The following TMEM132D variants were observed in gnomAD, a reference collection of about 807,000 sequenced individuals.
TMEM132D encodes mature OL transmembrane protein.
A neutral mutation model predicts 62.3 loss-of-function variants in TMEM132D; 21 were observed. The ratio of observed to expected loss-of-function variants is 0.34; its 90% CI spans 0.24 to 0.49. TMEM132D has a LOEUF of 0.49. Among genes scored for constraint, TMEM132D ranks in the 20% least tolerant of loss-of-function variants. TMEM132D has a pLI of 0.99. For synonymous variants in TMEM132D, 621 were observed against 575.6 expected (o/e 1.08, Z -1.13); for missense variants, 1,346 against 1,402.8 (o/e 0.96, Z 0.65).
At chr12:129,422,715 A>G (rs1256832596) in intron 3 of TMEM132D, among the ~76,000 whole-genome samples, 1 of 152,200 alleles carries the variant, frequency 6.6e-6, no homozygotes, top group Non-Finnish European at 1.5e-5. Flanking sequence ...ATCACCAGTA[A>G]GTAAGGATAA....
chr12:129,367,598 G>A (rs1313143151), intron 3 of TMEM132D, among the ~76,000 whole-genome samples: 2 of 152,090 alleles, frequency 1.3e-5, no homozygotes, highest in Non-Finnish European at 2.9e-5. Flanking sequence ...TCAAATGGAT[G>A]GAGTTGCTTG....
At chr12:129,609,951 C>T (rs951394169) in intron 2 of TMEM132D, among the ~76,000 whole-genome samples, 14 of 152,298 alleles carry the variant, frequency 9.2e-5, no homozygotes, top group African/African-American at 2.9e-4. Context: ...GACATCCTCT[C>T]TCCTTTAGGA....
intron 2 of TMEM132D, among the ~76,000 whole-genome samples, chr12:129,549,709 G>A (rs187766900): frequency 1.3e-5 from 2 of 152,324 alleles, no homozygotes; most frequent in Admixed American, 1.3e-4. Flanking sequence ...TTTGGGCATA[G>A]TCACGTGTTT....
Position 129,903,831 on chromosome 12 carries a change from G to C in TMEM132D, c.-492C>G, listed in dbSNP as rs1875459223. ...TCGGAGCCCCCCGGGCGGGTGGCCG[G>C]GCTCGCTGGGCGGCCCGGGGCTCCC... On this transcript the variant is annotated 5_prime_UTR_variant, in exon 1 of 9. Coordinates refer to ENST00000422113, the MANE Select transcript of TMEM132D (RefSeq NM_133448.3). This position sits in a 1 kb window ranked among gnomAD's most constrained non-coding sequence, Gnocchi z 6.2. 6.8e-6 allele frequency among the ~76,000 whole-genome samples: 1 copy of C among 146,870 alleles called. No homozygotes were observed.
intron 1 of TMEM132D, among the ~76,000 whole-genome samples, chr12:129,731,667 A>AT (rs34137135): frequency 0.45 from 66,873 of 148,844 alleles, 14,961 homozygotes; most frequent in East Asian, 0.61. Flanking sequence ...GCCACTGGAA[A>AT]TTTTTTTTTT....
At chr12:129,381,330 G>C (rs114921080) in intron 3 of TMEM132D, among the ~76,000 whole-genome samples, 123 of 152,220 alleles carry the variant, frequency 8.1e-4, no homozygotes, top group African/African-American at 2.9e-3. Context: ...AGAAAAAGAG[G>C]GAGATTAGGC....
intron 5 of TMEM132D, among the ~76,000 whole-genome samples, chr12:129,154,148 T>C (rs1381028213): frequency 2.0e-5 from 3 of 152,172 alleles, no homozygotes; most frequent in Non-Finnish European, 4.4e-5. Flanking sequence ...CATTTGGAGA[T>C]GCTCTGAAGA....
intron 4 of TMEM132D, among the ~76,000 whole-genome samples, chr12:129,232,679 G>T (rs189990185): frequency 6.6e-6 from 1 of 152,254 alleles, no homozygotes; most frequent in Admixed American, 6.5e-5. Flanking sequence ...CTGCTATAAA[G>T]ATACTACCCG....
intron 3 of TMEM132D, among the ~76,000 whole-genome samples, chr12:129,458,761 C>A (rs1873561913): frequency 6.6e-6 from 1 of 152,112 alleles, no homozygotes; most frequent in South Asian, 2.1e-4. Flanking sequence ...TCGGCCGATG[C>A]GCCGAAGACA....
chr12:129,578,627 T>C (rs1042057273), intron 2 of TMEM132D, among the ~76,000 whole-genome samples: 41 of 152,066 alleles, frequency 2.7e-4, no homozygotes, highest in African/African-American at 9.9e-4. Context: ...TCCTACAATC[T>C]ATACCATCTG....
intron 3 of TMEM132D, among the ~76,000 whole-genome samples, chr12:129,420,304 CTG>C (rs1491577464): frequency 8.6e-5 from 6 of 69,888 alleles, no homozygotes; most frequent in Non-Finnish European, 1.3e-4. Flanking sequence ...TGCACGTTCT[CTG>C]TTTTTTTTTT....
At chr12:129,611,759 C>T (rs1027167096) in intron 2 of TMEM132D, among the ~76,000 whole-genome samples, 24 of 152,178 alleles carry the variant, frequency 1.6e-4, no homozygotes, top group South Asian at 2.1e-4. Context: ...CATTTCCATC[C>T]GCTACAATGT....
At chr12:129,424,707 CAAAAAAAA>C (rs11385383) in intron 3 of TMEM132D, among the ~76,000 whole-genome samples, 7 of 31,828 alleles carry the variant, frequency 2.2e-4, no homozygotes, top group Non-Finnish European at 3.5e-4. Flanking sequence ...GACTCCATCT[CAAAAAAAA>C]AAAAAAAAAA....
chr12:129,701,026 T>C (rs1881373910), intron 1 of TMEM132D, among the ~76,000 whole-genome samples: 1 of 152,190 alleles, frequency 6.6e-6, no homozygotes, highest in African/African-American at 2.4e-5. Flanking sequence ...TGCTCTTTTT[T>C]TGATCAAAGG....
intron 4 of TMEM132D, among the ~76,000 whole-genome samples, chr12:129,303,964 T>G (rs1025154586): frequency 2.6e-5 from 4 of 152,184 alleles, no homozygotes; most frequent in African/African-American, 9.6e-5. Flanking sequence ...CCTCCACCTT[T>G]GTGTTCTGCT....
chr12:129,303,993 G>A (rs1230959406), intron 4 of TMEM132D, among the ~76,000 whole-genome samples: 1 of 152,188 alleles, frequency 6.6e-6, no homozygotes, highest in Non-Finnish European at 1.5e-5. Context: ...CGATGGCTTA[G>A]ATGGTGCCAG....
At chr12:129,675,411 A>C (rs1880603423) in intron 2 of TMEM132D, among the ~76,000 whole-genome samples, 1 of 152,140 alleles carries the variant, frequency 6.6e-6, no homozygotes, top group Admixed American at 6.6e-5. Flanking sequence ...ATTAGGACAA[A>C]TATCTAATGC....
intron 4 of TMEM132D, among the ~76,000 whole-genome samples, chr12:129,257,204 C>CTTT (rs10609616): frequency 1.8e-4 from 22 of 122,624 alleles, no homozygotes; most frequent in African/African-American, 2.8e-4. Context: ...CTGTTTCTTT[C>CTTT]TTTTTTTTTT....
At chr12:129,158,992 T>C (rs1211464164) in intron 5 of TMEM132D, among the ~76,000 whole-genome samples, 1 of 152,190 alleles carries the variant, frequency 6.6e-6, no homozygotes, top group Admixed American at 6.5e-5. Flanking sequence ...ATCACAAGAA[T>C]GCATGGGAGA....
Sources: allele counts gnomAD v4.1 joint callset (sites outside exome capture counted in the v4.1 genomes callset), GRCh38; gene constraint gnomAD v4.1.1; non-coding constraint Gnocchi (gnomAD v3.1); transcripts MANE v1.5; gene names NCBI Gene and HGNC (gene_info 2026-07-23, HGNC 2026-07-21).